Variants in CSAG3 observed in about 807,000 individuals in gnomAD.
CSAG3 encodes CSAG family member 3.
For missense variants in CSAG3, 15 were observed against 93.0 expected (o/e 0.16, Z 3.45); for synonymous variants, 4 against 34.0 (o/e 0.12, Z 3.07).
At chrX:152,758,819 CTCTCTCTCTT>C (rs1211443841), upstream of CSAG3, 277 of 85,863 alleles carry the variant, frequency 3.2e-3, 5 homozygotes, top group African/African-American at 0.013. Flanking sequence ...CTCTCTCTCT[CTCTCTCTCTT>C]TCTCTCTCTC....
chrX:152,757,401 C>T (rs1238875624), upstream of CSAG3, among the ~76,000 whole-genome samples: 86 of 6,971 alleles, frequency 0.012, no homozygotes, highest in Non-Finnish European at 0.015. Flanking sequence ...TTGTGCTTGT[C>T]GGATAAACCC....
chrX:152,759,626 C>G (rs1231786872), exon 1 of CSAG3: 3 of 1,198,898 alleles, frequency 2.5e-6, no homozygotes, highest in Non-Finnish European at 2.3e-6. Context: ...CCCACCAACA[C>G]CAAAGAGGCG....
chrX:152,758,829 T>TTCTC (rs1170908672), upstream of CSAG3: 735 of 51,058 alleles, frequency 0.014, 14 homozygotes, highest in Admixed American at 0.022. Context: ...CTCTCTCTCT[T>TTCTC]TCTCTCTCTC....
upstream of CSAG3, chrX:152,758,829 T>TCTCTTTC (rs1932603172): frequency 2.0e-5 from 1 of 50,635 alleles, no homozygotes; most frequent in South Asian, 1.5e-3. Context: ...CTCTCTCTCT[T>TCTCTTTC]TCTCTCTCTC....
chrX:152,758,716 A>T (rs1371742893), upstream of CSAG3, among the ~76,000 whole-genome samples: 4 of 55,368 alleles, frequency 7.2e-5, no homozygotes, highest in Non-Finnish European at 6.4e-5. Flanking sequence ...AAAAGAGGCC[A>T]TAAGGGTGGG....
At chrX:152,757,607 ATATATATATATATATATG>A (rs1489614375), upstream of CSAG3, among the ~76,000 whole-genome samples, 20 of 51,950 alleles carry the variant, frequency 3.8e-4, 3 homozygotes, top group East Asian at 1.9e-3. Context: ...ATGTCTGGTT[ATATATATATATATATATG>A]TATATATATA....
At chrX:152,758,835 C>CTCTCTCTCTCTT (rs1932605889), upstream of CSAG3, 1 of 49,803 alleles carries the variant, frequency 2.0e-5, no homozygotes, top group African/African-American at 1.0e-4. Flanking sequence ...CTCTTTCTCT[C>CTCTCTCTCTCTT]TCTCTCTCTC....
At chrX:152,757,625 G>A (rs1458399133), upstream of CSAG3, among the ~76,000 whole-genome samples, 3,730 of 34,124 alleles carry the variant, frequency 0.11, 460 homozygotes, top group East Asian at 0.33. Flanking sequence ...ATATATATAT[G>A]TATATATATA....
At chrX:152,758,877 T>TCTCTC (rs1375603795), upstream of CSAG3, 14 of 50,217 alleles carry the variant, frequency 2.8e-4, no homozygotes, top group Middle Eastern at 0.011. Context: ...CTCTCTCTCT[T>TCTCTC]TCTTTCTCTC....
chrX:152,758,828 T>TC (rs1932602722), upstream of CSAG3: 852 of 53,557 alleles, frequency 0.016, 4 homozygotes, highest in African/African-American at 0.048. Flanking sequence ...TCTCTCTCTC[T>TC]TTCTCTCTCT....
Position 152,759,856 on chromosome X carries a change from C to G in CSAG3, c.328C>G (p.Pro110Ala), listed in dbSNP as rs1335726721. The G allele has an allele frequency of 1.1e-4, 137 of 1,205,386 alleles. 1 individual carries two copies. The South Asian group carries it at 2.3e-3, about 20-fold the overall frequency. ...GTTTCCTTCCAGGTTCCCAAGACAA[C>G]CCGGAAGGGAAAAGGGACCCATCAA... is the stretch of plus-strand genomic sequence containing the variant. The change falls in exon 2 of 2, where the codon CCC (proline) becomes GCC (alanine). Residue 110 changes from proline to alanine, a missense_variant. Pro to Ala is a conservative substitution (Grantham distance 27). Transcript: ENST00000599845.
chrX:152,758,829 T>TCTCTCTCTCTC (rs1932603172), upstream of CSAG3: 1 of 50,633 alleles, frequency 2.0e-5, no homozygotes, highest in East Asian at 9.8e-4. Flanking sequence ...CTCTCTCTCT[T>TCTCTCTCTCTC]TCTCTCTCTC....
chrX:152,759,100 G>C (rs1156556886), upstream of CSAG3: 1 of 253,996 alleles, frequency 3.9e-6, no homozygotes, highest in Non-Finnish European at 7.3e-6. Context: ...GCTGACTTAA[G>C]ACATAACTTC....
At chrX:152,757,621 A>G (rs1289165426), upstream of CSAG3, among the ~76,000 whole-genome samples, 3 of 45,039 alleles carry the variant, frequency 6.7e-5, no homozygotes, top group African/African-American at 4.2e-4. Flanking sequence ...ATATATATAT[A>G]TATGTATATA....
chrX:152,758,847 C>CTCTCTCTCTCTCTCTT (rs1932607647), upstream of CSAG3: 1 of 86,693 alleles, frequency 1.2e-5, no homozygotes, highest in Non-Finnish European at 2.3e-5. Flanking sequence ...CTCTCTCTCT[C>CTCTCTCTCTCTCTCTT]TCTCTCTCTC....
At chrX:152,758,829 T>TCTTTCTCTCTCTCTCTCTCTCTCTCTCTC (rs1932603172), upstream of CSAG3, 2 of 50,637 alleles carry the variant, frequency 3.9e-5, no homozygotes, top group Non-Finnish European at 7.4e-5. Context: ...CTCTCTCTCT[T>TCTTTCTCTCTCTCTCTCTCTCTCTCTCTC]TCTCTCTCTC....
upstream of CSAG3, among the ~76,000 whole-genome samples, chrX:152,757,552 T>C (rs1932584533): frequency 2.6e-5 from 1 of 38,076 alleles, no homozygotes; most frequent in Non-Finnish European, 4.0e-5. Context: ...ATGTATAACT[T>C]TGTGTGGCTT....
chrX:152,757,605 TTA>T (rs1363664141), upstream of CSAG3, among the ~76,000 whole-genome samples: 10 of 42,022 alleles, frequency 2.4e-4, 1 homozygote, highest in East Asian at 1.3e-3. Context: ...CAATGTCTGG[TTA>T]TATATATATA....
chrX:152,758,824 TCTCTTTCTC>T (rs1932601818), upstream of CSAG3: 2 of 81,440 alleles, frequency 2.5e-5, no homozygotes, highest in Non-Finnish European at 2.2e-5. Flanking sequence ...TCTCTCTCTC[TCTCTTTCTC>T]TCTCTCTCTC....
Sources: allele counts gnomAD v4.1 joint callset (sites outside exome capture counted in the v4.1 genomes callset), GRCh38; gene constraint gnomAD v4.1.1; transcripts MANE v1.5; gene names NCBI Gene and HGNC (gene_info 2026-07-23, HGNC 2026-07-21).